The following DDX52 variants were observed in gnomAD, a reference collection of about 807,000 sequenced individuals.
The protein encoded by DDX52 is DExD-box helicase 52.
A neutral mutation model predicts 76.1 loss-of-function variants in DDX52; 59 were observed. The ratio of observed to expected loss-of-function variants is 0.78; its 90% CI spans 0.63 to 0.96. The LOEUF (loss-of-function observed/expected upper bound fraction) is 0.96, where lower values mean the gene tolerates loss of function less well. Ranked by LOEUF, DDX52 falls within the 40% of genes least tolerant of loss-of-function variation. The probability of loss-of-function intolerance (pLI) is 0.00; values close to 1 mark genes in which losing one functional copy is unlikely to be tolerated. For synonymous variants in DDX52, 231 were observed against 244.1 expected (o/e 0.95, Z 0.50); for missense variants, 707 against 703.9 (o/e 1.00, Z -0.05).
intron 5 of DDX52, 119 bp downstream of exon 5, chr17:37,629,911 T>C: frequency 2.2e-6 from 3 of 1,381,908 alleles, no homozygotes; most frequent in Non-Finnish European, 2.9e-6. Flanking sequence ...GTGTAGAGGA[T>C]ACTTGACCAT....
At chr17:37,626,987 T>C (rs1168009675) in intron 6 of DDX52, 127 bp from the exon 7 acceptor site, 12 of 679,292 alleles carry the variant, frequency 1.8e-5, no homozygotes, top group Non-Finnish European at 2.8e-5. Flanking sequence ...AACACAAAAC[T>C]ATTATATCCC....
chr17:37,642,458 G>C, intron 1 of DDX52, 150 bp from the exon 2 acceptor site: 1 of 775,676 alleles, frequency 1.3e-6, no homozygotes, highest in South Asian at 1.7e-5. Flanking sequence ...AATCTGAAGA[G>C]ACCTTCTCTG....
intron 8 of DDX52, 45 bp from the exon 9 acceptor site, chr17:37,624,479 CT>C (rs1598756425): frequency 3.4e-6 from 5 of 1,475,026 alleles, no homozygotes; most frequent in Non-Finnish European, 4.6e-6. Context: ...TTAATTTTTG[CT>C]TTTTCCCCTG....
intron 5 of DDX52, among the ~76,000 whole-genome samples, chr17:37,629,100 A>G (rs1295270706): frequency 6.6e-6 from 1 of 151,938 alleles, no homozygotes; most frequent in Non-Finnish European, 1.5e-5. Context: ...GCGCACCTGT[A>G]ATCTCAGTTA....
At chr17:37,634,265 T>C (rs1469274110) in intron 2 of DDX52, among the ~76,000 whole-genome samples, 1 of 151,488 alleles carries the variant, frequency 6.6e-6, no homozygotes, top group African/African-American at 2.4e-5. Flanking sequence ...GAAATTTCAA[T>C]AAGGCAGCCA....
rs2064317685 is a variant in DDX52 at position 37,610,584 on chromosome 17, T to C, written c.*3712A>G. On this transcript the variant is annotated 3_prime_UTR_variant, in exon 15 of 15. Coordinates refer to ENST00000617633, the MANE Select transcript of DDX52 (RefSeq NM_007010.5). ...AAGGTTTTTACTGGGTAATAATTTG[T>C]AATAAGTTATTAGGCACAAACCACT... The C allele has an allele frequency of 6.6e-6, 1 of 152,194 alleles. No individual in the cohort carries two copies. Among genetic ancestry groups the C allele is most frequent in the South Asian group, 2.1e-4 (1 of 4,832 alleles). 9.4% of individuals were successfully genotyped at this position (152,194 alleles called of 1,614,324 possible).
At chr17:37,632,413 T>G (rs1312408481) in intron 3 of DDX52, 115 bp from the exon 4 acceptor site, 3 of 1,198,158 alleles carry the variant, frequency 2.5e-6, no homozygotes, top group Non-Finnish European at 3.5e-6. Context: ...ATGAAACTTT[T>G]TGGTTAAATC....
chr17:37,616,849 C>T (rs143339001), intron 14 of DDX52, among the ~76,000 whole-genome samples: 31 of 152,046 alleles, frequency 2.0e-4, no homozygotes, highest in South Asian at 2.1e-4. Flanking sequence ...ATATTTGAAC[C>T]GACTTTTATT....
Position 37,642,291 on chromosome 17 carries a change from A to C in DDX52, c.105T>G (p.Tyr35Ter). The C allele has an allele frequency of 6.2e-7, 1 of 1,613,410 alleles. No homozygotes were observed. Among genetic ancestry groups the C allele is most frequent in the Non-Finnish European group, 8.5e-7 (1 of 1,179,806 alleles). ...AARFQIGKRK[Y>*]DFDSSEVLQG... ...GAAGCACCTCCGAAGAATCAAAGTCATATTTCCTTTTTCCTATCTAAAACC... is the reference window on the plus strand; with the variant it reads ...GAAGCACCTCCGAAGAATCAAAGTCCTATTTCCTTTTTCCTATCTAAAACC... Residue 35 changes from tyrosine (Y) to a stop codon, truncating the protein, a stop_gained, in exon 2 of 15, where the codon TAT (tyrosine) becomes TAG (stop). Transcript: ENST00000617633. LOFTEE classifies it high-confidence loss of function.
intron 2 of DDX52, among the ~76,000 whole-genome samples, chr17:37,640,373 A>C (rs891591803): frequency 6.6e-6 from 1 of 152,224 alleles, no homozygotes; most frequent in Non-Finnish European, 1.5e-5. Flanking sequence ...GTTTTTAAAA[A>C]AGGGGAAGGT....
At chr17:37,630,639 GT>G (rs34387906) in intron 4 of DDX52, among the ~76,000 whole-genome samples, 22,277 of 128,492 alleles carry the variant, frequency 0.17, 1,461 homozygotes, top group Admixed American at 0.27. Flanking sequence ...AACTCACTGT[GT>G]TTTTTTTTTT....
At chr17:37,642,946 C>T in intron 1 of DDX52, 1 of 170,102 alleles carries the variant, frequency 5.9e-6, no homozygotes, top group Non-Finnish European at 1.2e-5. Context: ...ATACGCATGC[C>T]AAGCCAAACT....
At chr17:37,637,332 T>A (rs1487649503) in intron 2 of DDX52, among the ~76,000 whole-genome samples, 2 of 151,366 alleles carry the variant, frequency 1.3e-5, no homozygotes, top group African/African-American at 2.4e-5. Flanking sequence ...GGTTTCACCA[T>A]GTTGGCCAGG....
rs2029989918 is a variant in DDX52, at chr17:37,619,844, AAAAG to A, written c.1578-9_1578-6del. ...TGCTGTATAACATTAGCAACGCTGA[AAAAG>A]AAACCCATAAACATAAACTTGTATC... On this transcript the variant is annotated splice_polypyrimidine_tract_variant and splice_region_variant and intron_variant, in intron 12 of 14. Transcript: ENST00000617633. 9 of 1,612,120 alleles carry A rather than the reference AAAAG, an allele frequency of 5.6e-6. No individual in the cohort carries two copies. Among genetic ancestry groups the A allele is most frequent in the Non-Finnish European group, 7.6e-6 (9 of 1,179,486 alleles).
At position 37,643,364 on chromosome 17, in the gene DDX52, T is replaced by C. The variant is rs1369718260; in HGVS notation, c.57A>G (p.Arg19=). The change falls in exon 1 of 15, where the codon AGA becomes AGG. Residue 19 remains arginine, a synonymous_variant. Transcript: ENST00000617633. The part of the protein sequence containing the change: ...RLGAGAKFDT[R]RFSADAARFQ... ...ATCGAGCTGCGTCTGCCGAGAAGCG[T>C]CTCGTGTCGAATTTGGCCCCCGCGC... is the stretch of plus-strand genomic sequence containing the variant. The C allele has an allele frequency of 3.7e-6, 6 of 1,613,838 alleles. No homozygotes were observed. Among genetic ancestry groups the C allele is most frequent in the Non-Finnish European group, 5.1e-6 (6 of 1,179,896 alleles).
At position 37,612,575 on chromosome 17, in the gene DDX52, G is replaced by A. The variant is rs891153806; in HGVS notation, c.*1721C>T. 3.3e-5 allele frequency: 5 copies of A among 152,054 alleles called. No homozygotes were observed. Among genetic ancestry groups the A allele is most frequent in the Non-Finnish European group, 5.9e-5 (4 of 68,018 alleles). 9.4% of individuals were successfully genotyped at this position (152,054 alleles called of 1,614,324 possible). On this transcript the variant is annotated 3_prime_UTR_variant, in exon 15 of 15. Transcript: ENST00000617633. The stretch of plus-strand genomic sequence containing the variant: ...GGTTTGTGGAAGTAAACAACATGAT[G>A]TTTACACAATGACAATATCACCTAA...
chr17:37,617,745 C>T (rs546003814), intron 14 of DDX52, among the ~76,000 whole-genome samples: 4 of 148,998 alleles, frequency 2.7e-5, no homozygotes, highest in East Asian at 4.0e-4. Context: ...CAGTATAATT[C>T]GAATTTATAG....
At position 37,642,150 on chromosome 17, in the gene DDX52, C is replaced by A. The variant is rs1260188017; in HGVS notation, c.246G>T (p.Lys82Asn). The A allele has an allele frequency of 6.2e-7, 1 of 1,614,110 alleles. No individual in the cohort carries two copies. The highest frequency in any genetic ancestry group is 1.1e-5 in the South Asian group (1 of 91,066). Reference sequence around the variant, plus strand: ...TCCTTTTTTTCTTGCTCTGCTCCCTCTTCCTTTCAGTTAGGCTCTCTTCTT... The same window carrying A: ...TCCTTTTTTTCTTGCTCTGCTCCCTATTCCTTTCAGTTAGGCTCTCTTCTT... ...EKKEESLTER[K>N]REQSKKKRKT... is the part of the protein sequence containing the mutation. The change falls in exon 2 of 15, where the codon AAG becomes AAT. Residue 82 changes from lysine to asparagine, a missense_variant. By Grantham distance (94) the Lys-to-Asn change is moderately conservative. Coordinates refer to ENST00000617633, the MANE Select transcript of DDX52 (RefSeq NM_007010.5).
At chr17:37,619,653 A>C in intron 13 of DDX52, 115 bp downstream of exon 13, 1 of 877,678 alleles carries the variant, frequency 1.1e-6, no homozygotes, top group Non-Finnish European at 1.7e-6. Flanking sequence ...TCAAGACTAC[A>C]GTGAGCTGTG....
Sources: gnomAD v4.1 joint callset for allele counts (sites outside exome capture counted in the v4.1 genomes callset) on GRCh38, gnomAD v4.1.1 for gene constraint, MANE v1.5 for transcripts, NCBI Gene and HGNC (gene_info 2026-07-23, HGNC 2026-07-21) for gene names.